ZNF609: variants seen among roughly 807,000 people sequenced by gnomAD.
ZNF609 encodes the protein zinc finger protein 609.
Under a neutral mutation model 109.5 loss-of-function variants are expected in ZNF609, and 11 were observed. That is an observed-to-expected ratio of 0.10 (90% CI 0.06 to 0.17). ZNF609 has a LOEUF of 0.17. ZNF609 is among the 10% of genes least tolerant of loss of function. The probability of loss-of-function intolerance (pLI) is 1.00; values close to 1 mark genes in which losing one functional copy is unlikely to be tolerated. For synonymous variants in ZNF609, 646 were observed against 662.0 expected (o/e 0.98, Z 0.37); for missense variants, 1,559 against 1,772.4 (o/e 0.88, Z 2.16).
In ZNF609 at chr15:64,507,433, A is replaced by G. The variant is rs1266529937; in HGVS notation, c.747+7267A>G. Among the ~76,000 whole-genome samples the G allele has an allele frequency of 2.0e-5, 3 of 151,614 alleles. No individual in the cohort carries two copies. The East Asian group carries it at 5.8e-4, about 29-fold the overall frequency. On this transcript the variant is annotated intron_variant, in intron 2 of 9. Transcript: ENST00000326648. ...TCTGAGCCCTCTCTCTGTGGTTTTC[A>G]CTCTTCAAGCCATGCTTGAGTAACC...
chr15:64,558,348 C>T (rs1894624011), intron 2 of ZNF609, among the ~76,000 whole-genome samples: 1 of 152,146 alleles, frequency 6.6e-6, no homozygotes, highest in Non-Finnish European at 1.5e-5. Context: ...TACTTTATCT[C>T]TCAAAGCCTC....
At chr15:64,614,395 A>T (rs1895766700) in intron 2 of ZNF609, among the ~76,000 whole-genome samples, 1 of 151,428 alleles carries the variant, frequency 6.6e-6, no homozygotes. Context: ...ATGCCCGGCT[A>T]TTTTTTTTAT....
intron 3 of ZNF609, among the ~76,000 whole-genome samples, chr15:64,656,577 A>C (rs1319945951): frequency 2.6e-5 from 4 of 151,798 alleles, no homozygotes; most frequent in African/African-American, 9.7e-5. Context: ...AATTCTCCCT[A>C]TTCTTTCTCT....
At chr15:64,579,241 AAAAGAAGTGATGGTACATGC>A (rs1260727869) in intron 2 of ZNF609, among the ~76,000 whole-genome samples, 4 of 151,992 alleles carry the variant, frequency 2.6e-5, no homozygotes, top group African/African-American at 9.6e-5. Flanking sequence ...AGAGAAAACA[AAAAGAAGTGATGGTACATGC>A]AAAGAAGTGA....
At chr15:64,581,138 G>A (rs74332437) in intron 2 of ZNF609, among the ~76,000 whole-genome samples, 1,537 of 151,848 alleles carry the variant, frequency 0.01, 21 homozygotes, top group Non-Finnish European at 0.017. Context: ...CTGTCTTCCT[G>A]CTTCCTCCTC....
intron 3 of ZNF609, among the ~76,000 whole-genome samples, chr15:64,650,417 C>CA (rs34102315): frequency 0.082 from 10,169 of 124,092 alleles, 1,212 homozygotes; most frequent in African/African-American, 0.28. Flanking sequence ...GCTCCATCTC[C>CA]AAAAAAAAAA....
intron 3 of ZNF609, among the ~76,000 whole-genome samples, chr15:64,664,655 C>T (rs776837737): frequency 6.6e-6 from 1 of 152,158 alleles, no homozygotes; most frequent in Non-Finnish European, 1.5e-5. Flanking sequence ...TGTCTCAACT[C>T]GGAACCTTGC....
At position 64,675,455 on chromosome 15, in the gene ZNF609, C is replaced by G. The variant is rs16948170; in HGVS notation, c.2601C>G (p.Ala867=). ...GKVDSVKSKD[A]EQLVKEGAKK... ...TAGACAGTGTCAAATCAAAGGACGC[C>G]GAACAGTTGGTTAAAGAAGGGGCTA... Residue 867 remains alanine (A), a synonymous_variant, in exon 5 of 10, where the codon GCC becomes GCG. Coordinates refer to ENST00000326648, the MANE Select transcript of ZNF609 (RefSeq NM_015042.2). The G allele has an allele frequency of 1.2e-6, 2 of 1,613,974 alleles. No homozygotes were observed. The highest frequency in any genetic ancestry group is 1.7e-6 in the Non-Finnish European group (2 of 1,180,010).
At chr15:64,476,338 G>A (rs759590360) in intron 1 of ZNF609, among the ~76,000 whole-genome samples, 1 of 150,976 alleles carries the variant, frequency 6.6e-6, no homozygotes, top group Non-Finnish European at 1.5e-5. Context: ...ATAGGAGATA[G>A]AAATAAACAT....
At chr15:64,516,631 A>G (rs575361380) in intron 2 of ZNF609, among the ~76,000 whole-genome samples, 11 of 152,298 alleles carry the variant, frequency 7.2e-5, no homozygotes, top group South Asian at 6.2e-4. Context: ...TCCTGCCTCA[A>G]TCCTCCAAAG....
In ZNF609 at chr15:64,681,695, C is replaced by G. The variant is rs1003084464; in HGVS notation, c.*9C>G. 1 of 262,398 alleles carries G rather than the reference C, an allele frequency of 3.8e-6. No homozygotes were observed. The allele number at this position is 262,398 out of a possible 1,614,324, so 16.3% of individuals were successfully genotyped here. Reference sequence around the variant, plus strand: ...TCTGTCCATGTTTCCCTTGCAGACACCAAGTGCCCGGATAAAGTCAGCTTC... The same window carrying G: ...TCTGTCCATGTTTCCCTTGCAGACAGCAAGTGCCCGGATAAAGTCAGCTTC... On this transcript the variant is annotated 3_prime_UTR_variant, in exon 10 of 10. Coordinates refer to ENST00000326648, the MANE Select transcript of ZNF609 (RefSeq NM_015042.2).
intron 2 of ZNF609, among the ~76,000 whole-genome samples, chr15:64,547,743 G>A (rs998472839): frequency 1.3e-5 from 2 of 151,738 alleles, no homozygotes; most frequent in African/African-American, 4.8e-5. Flanking sequence ...GAACAAAACA[G>A]TAAAACAAAT....
At chr15:64,577,311 G>A (rs1265861072) in intron 2 of ZNF609, among the ~76,000 whole-genome samples, 12 of 12,710 alleles carry the variant, frequency 9.4e-4, no homozygotes, top group Non-Finnish European at 2.2e-3. Context: ...ATACATATAT[G>A]TATATATATA....
chr15:64,595,933 C>G (rs1037163894), intron 2 of ZNF609, among the ~76,000 whole-genome samples: 1 of 152,152 alleles, frequency 6.6e-6, no homozygotes, highest in African/African-American at 2.4e-5. Flanking sequence ...TTATTTTTCT[C>G]AGACTTTGGA....
chr15:64,526,260 G>T (rs1273950143), intron 2 of ZNF609, among the ~76,000 whole-genome samples: 2 of 152,000 alleles, frequency 1.3e-5, no homozygotes, highest in African/African-American at 4.8e-5. Context: ...TTCATTGCTA[G>T]AGTACAGAAA....
At position 64,673,989 on chromosome 15, in the gene ZNF609, A is replaced by G. The variant is rs1300482931; in HGVS notation, c.1135A>G (p.Ser379Gly). ...TAGAGGCAAACGCATGCGTCCCAAC[A>G]GTAATACACCTGTCAATGAGACAGC... is the stretch of plus-strand genomic sequence containing the variant. Reference protein sequence around the residue: ...RGRGKRMRPNSNTPVNETATA... With the variant: ...RGRGKRMRPNGNTPVNETATA... The change falls in exon 5 of 10, where the codon AGT becomes GGT. Residue 379 changes from serine (S) to glycine (G), a missense_variant. Transcript: ENST00000326648. 2.5e-6 allele frequency: 4 copies of G among 1,614,084 alleles called. No individual in the cohort carries two copies. The African/African-American group carries it at 5.3e-5, about 22-fold the overall frequency.
intron 1 of ZNF609, among the ~76,000 whole-genome samples, chr15:64,482,436 A>G (rs1893269280): frequency 6.6e-6 from 1 of 152,040 alleles, no homozygotes; most frequent in Admixed American, 6.6e-5. Flanking sequence ...GATGAGCTCA[A>G]ATTTATCTAC....
At chr15:64,525,016 G>C (rs1267015563) in intron 2 of ZNF609, among the ~76,000 whole-genome samples, 1 of 152,092 alleles carries the variant, frequency 6.6e-6, no homozygotes, top group Non-Finnish European at 1.5e-5. Context: ...TAGCCATCCT[G>C]GTGGGTGTAA....
At chr15:64,559,889 T>C (rs1894649510) in intron 2 of ZNF609, among the ~76,000 whole-genome samples, 1 of 152,212 alleles carries the variant, frequency 6.6e-6, no homozygotes, top group Admixed American at 6.5e-5. Context: ...TCCGTAGCAA[T>C]AATAGTATAA....
Sources: allele counts gnomAD v4.1 joint callset (sites outside exome capture counted in the v4.1 genomes callset), GRCh38; gene constraint gnomAD v4.1.1; transcripts MANE v1.5; gene names NCBI Gene and HGNC (gene_info 2026-07-23, HGNC 2026-07-21).